LDLRAP1: variants seen among roughly 807,000 people sequenced by gnomAD.
LDLRAP1 encodes the protein low density lipoprotein receptor adapter protein 1.
A neutral mutation model predicts 37.8 loss-of-function variants in LDLRAP1; 30 were observed. That is an observed-to-expected ratio of 0.79 (90% CI 0.59 to 1.08). The LOEUF (loss-of-function observed/expected upper bound fraction) is 1.08, where lower values mean the gene tolerates loss of function less well. Ranked by LOEUF, LDLRAP1 falls within the 50% of genes least tolerant of loss-of-function variation. LDLRAP1 has a pLI of 0.00. For synonymous variants in LDLRAP1, 156 were observed against 169.8 expected, an observed-to-expected ratio of 0.92 and a Z score of 0.63; for missense variants, 375 against 401.6, an observed-to-expected ratio of 0.93 and a Z score of 0.57.
chr1:25,569,608 G>A (rs185060749), downstream of LDLRAP1, among the ~76,000 whole-genome samples: 9 of 152,302 alleles, frequency 5.9e-5, no homozygotes, highest in Non-Finnish European at 1.5e-5. Context: ...TAGAACACTT[G>A]TGCATTCAGG....
the LDLRAP1 span, among the ~76,000 whole-genome samples, chr1:25,582,508 C>A: frequency 6.6e-6 from 1 of 150,516 alleles, no homozygotes; most frequent in East Asian, 1.9e-4. Flanking sequence ...TCGCTTGAAC[C>A]TGGGAGGTGG....
chr1:25,567,096 C>CCTCA lies in LDLRAP1; in HGVS notation c.*105_*108dup, dbSNP rs1287085257. On this transcript the variant is annotated 3_prime_UTR_variant, in exon 9 of 9. Coordinates refer to ENST00000374338, the MANE Select transcript of LDLRAP1 (RefSeq NM_015627.3). Reference sequence around the variant, plus strand: ...GGGCCCGCCTGCCACCTCTCCCAGCCCTCAGCATTGTCAGCCTGAAGATCA... The same window carrying CCTCA: ...GGGCCCGCCTGCCACCTCTCCCAGCCCTCACTCAGCATTGTCAGCCTGAAGATCA... 9 of 1,400,696 alleles carry CCTCA rather than the reference C, an allele frequency of 6.4e-6. No individual in the cohort carries two copies. The highest frequency in any genetic ancestry group is 2.2e-4 in the Middle Eastern group (1 of 4,598). The allele number at this position is 1,400,696 out of a possible 1,614,324, so 86.8% of individuals were successfully genotyped here. A position where few individuals can be genotyped will look rare whatever the true frequency, so the allele number is the denominator to read the frequency against.
intron 4 of LDLRAP1, among the ~76,000 whole-genome samples, chr1:25,561,520 C>T (rs1294154688): frequency 6.6e-6 from 1 of 152,090 alleles, no homozygotes; most frequent in African/African-American, 2.4e-5. Context: ...GGGGCTGAGG[C>T]TGGTGAGGCC....
At position 25,554,754 on chromosome 1, in the gene LDLRAP1, C is replaced by A; in HGVS notation, c.232-106C>A. 1.2e-6 allele frequency: 1 copy of A among 853,100 alleles called. No individual in the cohort carries two copies. The highest frequency in any genetic ancestry group is 1.9e-6 in the Non-Finnish European group (1 of 517,036). The allele number at this position is 853,100 out of a possible 1,614,324, so 52.8% of individuals were successfully genotyped here. The stretch of plus-strand genomic sequence containing the variant: ...CCCACACTGCTGCCAGTCACCTGAG[C>A]TGAGATGGGCCCCGTGCCTGGGGCT... On this transcript the variant is annotated intron_variant, in intron 2 of 8. Coordinates refer to ENST00000374338, the MANE Select transcript of LDLRAP1 (RefSeq NM_015627.3). This position sits in a 1 kb window ranked among gnomAD's most constrained non-coding sequence, Gnocchi z 5.4.
rs1428270026 is a variant in LDLRAP1, at chr1:25,562,629, A to G, written c.460-15A>G. On this transcript the variant is annotated splice_polypyrimidine_tract_variant and intron_variant, in intron 4 of 8. Coordinates refer to ENST00000374338, the MANE Select transcript of LDLRAP1 (RefSeq NM_015627.3). ...TGACACTGCACCCCTCCCCATCCCCACTTCCTGTTTTCAGGCACAGGCTGT... is the reference window on the plus strand; with the variant it reads ...TGACACTGCACCCCTCCCCATCCCCGCTTCCTGTTTTCAGGCACAGGCTGT... 1 of 1,613,378 alleles carries G rather than the reference A, an allele frequency of 6.2e-7. No homozygotes were observed. The highest frequency in any genetic ancestry group is 1.1e-5 in the South Asian group (1 of 91,068).
rs1358783122 is a variant in LDLRAP1, at chr1:25,544,628, A to G, written c.88+842A>G. Among the ~76,000 whole-genome samples the G allele has an allele frequency of 1.3e-5, 2 of 151,878 alleles. No individual in the cohort carries two copies. Among genetic ancestry groups the G allele is most frequent in the South Asian group, 2.1e-4 (1 of 4,820 alleles). On this transcript the variant is annotated intron_variant, in intron 1 of 8. Coordinates refer to ENST00000374338, the MANE Select transcript of LDLRAP1 (RefSeq NM_015627.3). This position sits in a 1 kb window ranked among gnomAD's most constrained non-coding sequence, Gnocchi z 4.8. ...TCTCCCCCAGTCTCTGATTACGCTC[A>G]GGGAACTTGTCACCTGGCACCTTCC...
At chr1:25,571,506 C>T (rs1447549258), downstream of LDLRAP1, among the ~76,000 whole-genome samples, 2 of 152,232 alleles carry the variant, frequency 1.3e-5, no homozygotes, top group African/African-American at 2.4e-5. Flanking sequence ...AGCATCCACA[C>T]GTACCAGCTA....
intron 7 of LDLRAP1, chr1:25,564,168 G>C (rs1021184063): frequency 5.7e-6 from 2 of 347,896 alleles, no homozygotes; most frequent in Admixed American, 8.2e-5. Flanking sequence ...GCAGTCACCA[G>C]CTTGGTCCCT....
downstream of LDLRAP1, among the ~76,000 whole-genome samples, chr1:25,571,937 C>T (rs1006409740): frequency 6.6e-6 from 1 of 152,210 alleles, no homozygotes; most frequent in Non-Finnish European, 1.5e-5. Flanking sequence ...TTGACCCCCT[C>T]GCAGTCCAGG....
chr1:25,587,672 C>T, the LDLRAP1 span, among the ~76,000 whole-genome samples: 70 of 152,054 alleles, frequency 4.6e-4, no homozygotes, highest in Middle Eastern at 3.2e-3. Flanking sequence ...TGCACATAGG[C>T]GTGGAGTGGG....
intron 4 of LDLRAP1, among the ~76,000 whole-genome samples, chr1:25,559,946 G>A (rs2044304587): frequency 2.0e-5 from 3 of 152,182 alleles, no homozygotes; most frequent in Admixed American, 2.0e-4. Context: ...GCTTAGTTCT[G>A]GGGTGGTAGT....
intron 7 of LDLRAP1, chr1:25,564,023 T>C (rs937665833): frequency 1.2e-5 from 7 of 583,334 alleles, no homozygotes; most frequent in African/African-American, 1.1e-4. Context: ...CTCACAATGC[T>C]TGGCCTCTTG....
the LDLRAP1 span, among the ~76,000 whole-genome samples, chr1:25,586,489 C>T: frequency 1.8e-4 from 28 of 151,596 alleles, no homozygotes; most frequent in Non-Finnish European, 2.8e-4. The surrounding 1 kb of genome is among the most constrained non-coding windows in gnomAD (Gnocchi z 4.3). Flanking sequence ...CGTGCGTGTG[C>T]GTGTGTGTGT....
chr1:25,569,135 T>G (rs1273875302), downstream of LDLRAP1, among the ~76,000 whole-genome samples: 3 of 152,200 alleles, frequency 2.0e-5, no homozygotes, highest in African/African-American at 7.2e-5. Context: ...ATCTGGTGCA[T>G]CGGCTGAAGC....
chr1:25,557,536 G>T, intron 4 of LDLRAP1: 1 of 526,522 alleles, frequency 1.9e-6, no homozygotes. Flanking sequence ...TCTCTGTAAC[G>T]GGATTTGCTG....
intron 1 of LDLRAP1, among the ~76,000 whole-genome samples, chr1:25,550,260 T>C (rs1317113742): frequency 6.6e-6 from 1 of 152,190 alleles, no homozygotes; most frequent in Non-Finnish European, 1.5e-5. Flanking sequence ...GAGCTGTTGT[T>C]TCCCCCATTT....
the LDLRAP1 span, among the ~76,000 whole-genome samples, chr1:25,574,899 A>G: frequency 1.3e-5 from 2 of 152,250 alleles, no homozygotes; most frequent in Non-Finnish European, 2.9e-5. Flanking sequence ...TTGGCCTGTC[A>G]TTGTCTGTTT....
At chr1:25,571,161 A>G (rs980244393), downstream of LDLRAP1, among the ~76,000 whole-genome samples, 13 of 152,320 alleles carry the variant, frequency 8.5e-5, no homozygotes, top group Non-Finnish European at 1.8e-4. Context: ...CTGCCTCGCC[A>G]GCAGCCCCAG....
intron 4 of LDLRAP1, among the ~76,000 whole-genome samples, chr1:25,558,426 T>C (rs1012518457): frequency 1.3e-5 from 2 of 152,228 alleles, no homozygotes; most frequent in African/African-American, 4.8e-5. Context: ...GCAAATTTAG[T>C]GGCTTAAAAC....
Sources: gnomAD v4.1 joint callset for allele counts (sites outside exome capture counted in the v4.1 genomes callset) on GRCh38, gnomAD v4.1.1 for gene constraint, Gnocchi (gnomAD v3.1) non-coding constraint, MANE v1.5 for transcripts, NCBI Gene and HGNC (gene_info 2026-07-23, HGNC 2026-07-21) for gene names.